The following RHOBTB2 variants were observed in gnomAD, a reference collection of about 807,000 sequenced individuals.
RHOBTB2 encodes the protein Rho related BTB domain containing 2, also known as rho-related BTB domain-containing protein 2.
In RHOBTB2, 39 loss-of-function variants were observed where a neutral mutation model predicts 66.5. The observed-to-expected ratio is 0.59, with a 90% CI of 0.45 to 0.77. The LOEUF (loss-of-function observed/expected upper bound fraction) is 0.77, where lower values mean the gene tolerates loss of function less well. Ranked by LOEUF, RHOBTB2 falls within the 30% of genes least tolerant of loss-of-function variation. The pLI, the probability that RHOBTB2 is intolerant of heterozygous loss-of-function variation, is 0.00. For synonymous variants in RHOBTB2, 390 were observed against 395.0 expected (o/e 0.99, Z 0.15); for missense variants, 755 against 999.1 (o/e 0.76, Z 3.29).
chr8:22,953,001 T>A, the RHOBTB2 span, among the ~76,000 whole-genome samples: 70 of 152,190 alleles, frequency 4.6e-4, no homozygotes, highest in African/African-American at 1.6e-3. Context: ...TGGTATGGCC[T>A]TTGACTTGGG....
chr8:22,997,778 G>A (rs1028188528), upstream of RHOBTB2, among the ~76,000 whole-genome samples: 2 of 152,178 alleles, frequency 1.3e-5, no homozygotes, highest in African/African-American at 4.8e-5. Flanking sequence ...GAGGTGGGTG[G>A]AGGGAACAGG....
chr8:22,964,869 T>C, the RHOBTB2 span, among the ~76,000 whole-genome samples: 1 of 151,748 alleles, frequency 6.6e-6, no homozygotes, highest in Non-Finnish European at 1.5e-5. Flanking sequence ...CAGGCTGGAG[T>C]GCAATGGTGC....
chr8:22,999,557 C>T lies in RHOBTB2; in HGVS notation c.-559C>T. The T allele has an allele frequency of 8.4e-7, 1 of 1,193,674 alleles. No individual in the cohort carries two copies. The highest frequency in any genetic ancestry group is 1.1e-6 in the Non-Finnish European group (1 of 947,926). 73.9% of individuals were successfully genotyped at this position (1,193,674 alleles called of 1,614,324 possible). The stretch of plus-strand genomic sequence containing the variant: ...GCGCGCGGCAGTGGGCGGGGCCCGT[C>T]ACGGCTGTCGTCTTGGGTGCGATTT... On this transcript the variant is annotated 5_prime_UTR_variant, in exon 1 of 10. Coordinates refer to ENST00000251822, the MANE Select transcript of RHOBTB2 (RefSeq NM_015178.3).
In RHOBTB2 at chr8:23,007,316, C is replaced by T. The variant is rs557999062; in HGVS notation, c.1071C>T (p.Ser357=). The change falls in exon 5 of 10, where the codon TCC becomes TCT. Residue 357 remains serine (S), a synonymous_variant. Transcript: ENST00000251822. ...AGAGCGTGGATGAGGCTGGGGGCTC[C>T]GGTCCTGCTGGCCTCCGTGCTTCCA... ...VCESVDEAGG[S]GPAGLRASTS... is the part of the protein sequence containing the mutation. The T allele has an allele frequency of 3.8e-5, 61 of 1,613,694 alleles. No homozygotes were observed. Among genetic ancestry groups the T allele is most frequent in the African/African-American group, 1.1e-4 (8 of 75,074 alleles).
At chr8:22,980,977 T>C in the RHOBTB2 span, among the ~76,000 whole-genome samples, 1 of 152,228 alleles carries the variant, frequency 6.6e-6, no homozygotes, top group African/African-American at 2.4e-5. Flanking sequence ...AACACCAAAT[T>C]GCTTGGTGAT....
upstream of RHOBTB2, among the ~76,000 whole-genome samples, chr8:22,986,219 T>C (rs954809389): frequency 1.3e-5 from 2 of 150,634 alleles, no homozygotes; most frequent in Admixed American, 1.3e-4. Context: ...AGGGAATGGG[T>C]TGCTGGAAAT....
At position 23,015,652 on chromosome 8, in the gene RHOBTB2, C is replaced by T. The variant is rs1253275437; in HGVS notation, c.1875C>T (p.Tyr625=). 2 of 1,613,200 alleles carry T rather than the reference C, an allele frequency of 1.2e-6. No homozygotes were observed. The highest frequency in any genetic ancestry group is 8.5e-7 in the Non-Finnish European group (1 of 1,179,310). The stretch of plus-strand genomic sequence containing the variant: ...TCTGTCCCCAGTTCCACTGTGCGTA[C>T]CAGCTGGCCGACTGGTGTCTCCACC... ...FLELAQFHCA[Y]QLADWCLHHI... Residue 625 remains tyrosine, a synonymous_variant, in exon 9 of 10, where the codon TAC becomes TAT. Transcript: ENST00000251822.
At chr8:23,007,804 G>A in intron 5 of RHOBTB2, 58 bp downstream of exon 5, 1 of 1,580,436 alleles carries the variant, frequency 6.3e-7, no homozygotes, top group Admixed American at 1.8e-5. Context: ...AGCATTGCCT[G>A]TCTGTCTCAG....
chr8:22,984,958 T>C (rs531252462), upstream of RHOBTB2: 2 of 87,682 alleles, frequency 2.3e-5, no homozygotes, highest in African/African-American at 3.7e-5. Flanking sequence ...GTTTTCAGTT[T>C]AGGAAAAAAA....
At chr8:22,994,811 AC>A (rs1381813319), upstream of RHOBTB2, among the ~76,000 whole-genome samples, 1 of 152,178 alleles carries the variant, frequency 6.6e-6, no homozygotes, top group African/African-American at 2.4e-5. Context: ...CACCCACTGC[AC>A]TGGAGTGCAA....
chr8:23,017,918 T>A lies in RHOBTB2; in HGVS notation c.*449T>A, dbSNP rs1811343880. On this transcript the variant is annotated 3_prime_UTR_variant, in exon 10 of 10. Coordinates refer to ENST00000251822, the MANE Select transcript of RHOBTB2 (RefSeq NM_015178.3). The surrounding 1 kb of genome is among the most constrained non-coding windows in gnomAD (Gnocchi z 5.3). ...TCCACCGACGGACTTGAGTGTTGCATTTGTTTTGTGGGCATTTCCACACGA... is the reference window on the plus strand; with the variant it reads ...TCCACCGACGGACTTGAGTGTTGCAATTGTTTTGTGGGCATTTCCACACGA... The A allele has an allele frequency of 5.7e-6, 1 of 175,820 alleles. No homozygotes were observed. Among genetic ancestry groups the A allele is most frequent in the Non-Finnish European group, 1.2e-5 (1 of 80,782 alleles). 10.9% of individuals were successfully genotyped at this position (175,820 alleles called of 1,614,324 possible).
the RHOBTB2 span, among the ~76,000 whole-genome samples, chr8:22,977,371 G>C: frequency 6.6e-6 from 1 of 151,966 alleles, no homozygotes; most frequent in Non-Finnish European, 1.5e-5. Context: ...CTTGAGCCCA[G>C]GAGGTCAAGA....
the RHOBTB2 span, among the ~76,000 whole-genome samples, chr8:22,966,768 T>C: frequency 6.6e-6 from 1 of 152,208 alleles, no homozygotes; most frequent in Non-Finnish European, 1.5e-5. Flanking sequence ...TTGTTTTTCC[T>C]AATATTATCC....
chr8:23,017,569 G>A lies in RHOBTB2; in HGVS notation c.*100G>A. 1.3e-6 allele frequency: 2 copies of A among 1,500,848 alleles called. No homozygotes were observed. Among genetic ancestry groups the A allele is most frequent in the Non-Finnish European group, 1.8e-6 (2 of 1,117,424 alleles). The allele number at this position is 1,500,848 out of a possible 1,614,324, so 93.0% of individuals were successfully genotyped here. A position where few individuals can be genotyped will look rare whatever the true frequency, so the allele number is the denominator to read the frequency against. On this transcript the variant is annotated 3_prime_UTR_variant, in exon 10 of 10. Coordinates refer to ENST00000251822, the MANE Select transcript of RHOBTB2 (RefSeq NM_015178.3). This position sits in a 1 kb window ranked among gnomAD's most constrained non-coding sequence, Gnocchi z 5.3. ...CCATCCACCTTACAGGGACCAGGGG[G>A]CCCACGTAACCAGGACCCAGAGGGT...
the RHOBTB2 span, among the ~76,000 whole-genome samples, chr8:22,959,887 G>A: frequency 6.6e-6 from 1 of 151,592 alleles, no homozygotes; most frequent in Admixed American, 6.6e-5. Context: ...ATGTTGGCCG[G>A]GTGTGGTGGC....
intron 8 of RHOBTB2, among the ~76,000 whole-genome samples, 189 bp downstream of exon 8, chr8:23,014,967 C>G (rs555443236): frequency 3.5e-4 from 53 of 152,114 alleles, no homozygotes; most frequent in Non-Finnish European, 8.8e-5. Context: ...CTGGTGTACC[C>G]GGAGGGGAGC....
upstream of RHOBTB2, among the ~76,000 whole-genome samples, chr8:22,996,958 T>G (rs113731013): frequency 0.052 from 7,937 of 151,950 alleles, 666 homozygotes; most frequent in African/African-American, 0.18. Flanking sequence ...AGAGTGGGGG[T>G]CCCGGGGCAG....
chr8:22,966,754 A>T, the RHOBTB2 span, among the ~76,000 whole-genome samples: 1 of 152,230 alleles, frequency 6.6e-6, no homozygotes, highest in African/African-American at 2.4e-5. Context: ...TTAGCTTTAG[A>T]ATCTTGTTTT....
intron 2 of RHOBTB2, among the ~76,000 whole-genome samples, chr8:22,992,406 A>G (rs1255728916): frequency 6.6e-6 from 1 of 152,202 alleles, no homozygotes; most frequent in Admixed American, 6.5e-5. Flanking sequence ...CAGCCTCCTC[A>G]GAGCTTCTCA....
Sources: gnomAD v4.1 joint callset for allele counts (sites outside exome capture counted in the v4.1 genomes callset) on GRCh38, gnomAD v4.1.1 for gene constraint, Gnocchi (gnomAD v3.1) non-coding constraint, MANE v1.5 for transcripts, NCBI Gene and HGNC (gene_info 2026-07-23, HGNC 2026-07-21) for gene names.